Variants in OTOGL observed in about 807,000 individuals in gnomAD.
OTOGL encodes the protein otogelin-like protein.
OTOGL carries 285 observed loss-of-function variants against 318.5 expected under a neutral mutation model. The ratio of observed to expected loss-of-function variants is 0.89; its 90% confidence interval spans 0.81 to 0.99. OTOGL has a LOEUF of 0.99. Ranked by LOEUF, OTOGL falls within the 50% of genes least tolerant of loss-of-function variation. The pLI, the probability that OTOGL is intolerant of heterozygous loss-of-function variation, is 0.00. For synonymous variants in OTOGL, 987 were observed against 936.5 expected (o/e 1.05, Z -0.99); for missense variants, 2,899 against 2,845.6 (o/e 1.02, Z -0.43).
At chr12:80,355,264 C>CTG (rs1167420440) in intron 46 of OTOGL, among the ~76,000 whole-genome samples, 1 of 112,526 alleles carries the variant, frequency 8.9e-6, no homozygotes, top group African/African-American at 3.4e-5. Context: ...AGGATCTACT[C>CTG]TGTTGCACAG....
chr12:80,166,053 T>A (rs1243481205), intron 1 of OTOGL, among the ~76,000 whole-genome samples: 1 of 152,176 alleles, frequency 6.6e-6, no homozygotes, highest in Non-Finnish European at 1.5e-5. Context: ...GATACCCAAT[T>A]TTTAAATATA....
chr12:80,198,341 A>C (rs771885350), intron 1 of OTOGL, among the ~76,000 whole-genome samples: 30 of 152,060 alleles, frequency 2.0e-4, no homozygotes, highest in Admixed American at 3.3e-4. Flanking sequence ...TAATCCCAGC[A>C]TTTGGGGGGC....
chr12:80,125,727 G>A (rs1467142244), intron 1 of OTOGL, among the ~76,000 whole-genome samples: 1 of 152,088 alleles, frequency 6.6e-6, no homozygotes, highest in Non-Finnish European at 1.5e-5. Context: ...CCTGTTATTG[G>A]TCTATTCAGA....
Position 80,377,220 on chromosome 12 carries a change from A to G in OTOGL, c.6861+18A>G. 6.4e-7 allele frequency: 1 copy of G among 1,561,706 alleles called. No individual in the cohort carries two copies. The highest frequency in any genetic ancestry group is 8.8e-7 in the Non-Finnish European group (1 of 1,141,832). On this transcript the variant is annotated intron_variant, in intron 58 of 58. Coordinates refer to ENST00000547103, the MANE Select transcript of OTOGL (RefSeq NM_001378609.3). ...AAAGCCCTGTAAGTGGAAAAATGTC[A>G]TTTGCTACATAAATGCACACATCTT...
chr12:80,110,054 T>C (rs1202962224), intron 1 of OTOGL, among the ~76,000 whole-genome samples: 2 of 148,334 alleles, frequency 1.3e-5, no homozygotes, highest in Admixed American at 1.4e-4. Context: ...CATTAGTTTT[T>C]TTTTCTTTCT....
Position 80,318,288 on chromosome 12 carries a change from G to A in OTOGL, c.3635-258G>A, listed in dbSNP as rs151319851. On this transcript the variant is annotated intron_variant, in intron 32 of 58. Transcript: ENST00000547103. Reference sequence around the variant, plus strand: ...AGAGGGAAAGTAAAATACACTGAGTGCAGTAAGATTAAACCTTTATGAAAC... The same window carrying A: ...AGAGGGAAAGTAAAATACACTGAGTACAGTAAGATTAAACCTTTATGAAAC... 2.7e-3 allele frequency among the ~76,000 whole-genome samples: 415 copies of A among 152,192 alleles called. 1 individual carries two copies. Among genetic ancestry groups the A allele is most frequent in the Admixed American group, 5.6e-3 (86 of 15,258 alleles).
intron 8 of OTOGL, among the ~76,000 whole-genome samples, chr12:80,230,684 G>A (rs1478122726): frequency 6.6e-6 from 1 of 152,176 alleles, no homozygotes; most frequent in Non-Finnish European, 1.5e-5. Context: ...TTACACAAAT[G>A]CTGTTCCTGG....
chr12:80,291,242 T>C (rs559158922), intron 26 of OTOGL, among the ~76,000 whole-genome samples: 19 of 152,236 alleles, frequency 1.2e-4, no homozygotes, highest in Non-Finnish European at 2.5e-4. Context: ...TTTCAAATGA[T>C]ATTTTTCTCT....
At chr12:80,128,675 T>A (rs1871025975) in intron 1 of OTOGL, among the ~76,000 whole-genome samples, 1 of 152,202 alleles carries the variant, frequency 6.6e-6, no homozygotes. Flanking sequence ...CCATGAGCTG[T>A]GGTAGGCTCC....
At chr12:80,362,256 GT>G (rs1473644884) in intron 52 of OTOGL, among the ~76,000 whole-genome samples, 3 of 152,096 alleles carry the variant, frequency 2.0e-5, no homozygotes, top group Non-Finnish European at 4.4e-5. Context: ...CCTGTTGTTT[GT>G]TCTTGGTAAC....
At chr12:80,231,621 T>C (rs190897814) in intron 8 of OTOGL, among the ~76,000 whole-genome samples, 42 of 152,138 alleles carry the variant, frequency 2.8e-4, no homozygotes, top group Non-Finnish European at 3.7e-4. Flanking sequence ...CATGGCTACC[T>C]TTTTAAAAAA....
chr12:80,276,523 C>A (rs1883821181), intron 24 of OTOGL, among the ~76,000 whole-genome samples: 1 of 151,492 alleles, frequency 6.6e-6, no homozygotes, highest in Non-Finnish European at 1.5e-5. Flanking sequence ...TATAAAGTTG[C>A]TAAGTATAGG....
At chr12:80,177,938 T>C (rs1023296140) in intron 1 of OTOGL, among the ~76,000 whole-genome samples, 1 of 152,188 alleles carries the variant, frequency 6.6e-6, no homozygotes, top group Non-Finnish European at 1.5e-5. Context: ...ACAAGATTTT[T>C]CATTGTGTCT....
intron 1 of OTOGL, chr12:80,131,120 C>T (rs1113968): frequency 0.036 from 5,450 of 152,276 alleles, 112 homozygotes; most frequent in South Asian, 0.09. Context: ...GCAAGTCTCA[C>T]GGCAAGAAGA....
At chr12:80,293,799 C>T (rs558513435) in intron 26 of OTOGL, among the ~76,000 whole-genome samples, 5 of 152,018 alleles carry the variant, frequency 3.3e-5, no homozygotes, top group African/African-American at 7.2e-5. Flanking sequence ...GAATATAGTT[C>T]GTTTTTTCTG....
In OTOGL at chr12:80,184,917, G is replaced by A. The variant is rs966282222; in HGVS notation, c.-19-24496G>A. ...GTATGATGTCATGGGAGGAGGAACT[G>A]CATCTCCCATATGACAAGTATTGGA... On this transcript the variant is annotated intron_variant, in intron 1 of 58. Transcript: ENST00000547103. Among the ~76,000 whole-genome samples the A allele has an allele frequency of 2.6e-5, 4 of 152,294 alleles. No individual in the cohort carries two copies. The South Asian group carries it at 6.2e-4, about 24-fold the overall frequency.
Position 80,352,183 on chromosome 12 carries a change from A to G in OTOGL, c.5266-112A>G, listed in dbSNP as rs185536283. 3.0e-5 allele frequency: 28 copies of G among 943,530 alleles called. No homozygotes were observed. The Admixed American group carries it at 8.4e-4, about 28-fold the overall frequency. 58.4% of individuals were successfully genotyped at this position (943,530 alleles called of 1,614,324 possible). ...GAAAATGTAAAGTCTATGATGAAGT[A>G]TAATGAATATTAACTTGCTACCCTT... is the stretch of plus-strand genomic sequence containing the variant. On this transcript the variant is annotated intron_variant, in intron 44 of 58. Transcript: ENST00000547103.
At position 80,340,559 on chromosome 12, in the gene OTOGL, ACT is replaced by A. The variant is rs1888699371; in HGVS notation, c.5050+1298_5050+1299del. ...AGCTCTTGCTTTCATGTAGACAGCC[ACT>A]CTGCTAGCTGGATTCTTAACTAAGC... On this transcript the variant is annotated intron_variant, in intron 43 of 58. Coordinates refer to ENST00000547103, the MANE Select transcript of OTOGL (RefSeq NM_001378609.3). Among the ~76,000 whole-genome samples, 3 of 152,066 alleles carry A rather than the reference ACT, an allele frequency of 2.0e-5. No homozygotes were observed. In the South Asian group the frequency reaches 6.2e-4, roughly 32 times the overall value.
At chr12:80,107,288 A>G (rs921570095) in intron 1 of OTOGL, among the ~76,000 whole-genome samples, 45 of 152,234 alleles carry the variant, frequency 3.0e-4, no homozygotes, top group African/African-American at 1.0e-3. Flanking sequence ...ATTTTTCAAA[A>G]GAAGGCATAC....
Sources: allele counts gnomAD v4.1 joint callset (sites outside exome capture counted in the v4.1 genomes callset), GRCh38; gene constraint gnomAD v4.1.1; transcripts MANE v1.5; gene names NCBI Gene and HGNC (gene_info 2026-07-23, HGNC 2026-07-21).